The following PDE11A variants were observed in gnomAD, a reference collection of about 807,000 sequenced individuals.
PDE11A encodes the protein dual 3',5'-cyclic-AMP and -GMP phosphodiesterase 11A.
Under a neutral mutation model 100.5 loss-of-function variants are expected in PDE11A, and 100 were observed. That is an observed-to-expected ratio of 1.00 (90% CI 0.85 to 1.18). PDE11A has a LOEUF of 1.18. Among genes scored for constraint, PDE11A ranks in the 50% most tolerant of loss-of-function variants. PDE11A has a pLI of 0.00. For missense variants in PDE11A, 1,141 were observed against 1,152.6 expected, an observed-to-expected ratio of 0.99 and a Z score of 0.15; for synonymous variants, 381 against 420.8, an observed-to-expected ratio of 0.91 and a Z score of 1.16.
At chr2:177,633,191 G>A (rs1373382685) in intron 19 of PDE11A, among the ~76,000 whole-genome samples, 1 of 152,208 alleles carries the variant, frequency 6.6e-6, no homozygotes, top group Non-Finnish European at 1.5e-5. Context: ...TTCATCACAA[G>A]GGGGACAAAA....
At chr2:177,753,321 G>T (rs2082049143) in intron 10 of PDE11A, among the ~76,000 whole-genome samples, 2 of 151,990 alleles carry the variant, frequency 1.3e-5, no homozygotes, top group Admixed American at 1.3e-4. Context: ...TAGTTGCTTT[G>T]ATTCACATAT....
intron 1 of PDE11A, among the ~76,000 whole-genome samples, chr2:178,021,270 G>A (rs1298729927): frequency 6.6e-6 from 1 of 152,034 alleles, no homozygotes; most frequent in African/African-American, 2.4e-5. Context: ...CCTCCATTAA[G>A]TCTTAATGGT....
intron 9 of PDE11A, among the ~76,000 whole-genome samples, chr2:177,779,688 T>C (rs1428588266): frequency 2.0e-5 from 3 of 152,190 alleles, no homozygotes. Context: ...CACTTGTAAT[T>C]CTAGTTCTCT....
chr2:177,763,847 G>A (rs1465231907), intron 10 of PDE11A, among the ~76,000 whole-genome samples: 1 of 152,140 alleles, frequency 6.6e-6, no homozygotes, highest in East Asian at 1.9e-4. Flanking sequence ...GGCAATTGGA[G>A]AAAGGAGCGC....
intron 2 of PDE11A, among the ~76,000 whole-genome samples, chr2:177,913,826 CT>C (rs750266474): frequency 6.6e-6 from 1 of 152,126 alleles, no homozygotes; most frequent in Non-Finnish European, 1.5e-5. Flanking sequence ...AATAATGCTG[CT>C]GTCAACTTTC....
intron 12 of PDE11A, among the ~76,000 whole-genome samples, chr2:177,716,346 G>C (rs1267997166): frequency 6.6e-6 from 1 of 152,026 alleles, no homozygotes; most frequent in African/African-American, 2.4e-5. Flanking sequence ...CCTGAGTCTC[G>C]TTAGGTGCTG....
chr2:177,962,056 CAAAAAA>C (rs34148492), intron 2 of PDE11A, among the ~76,000 whole-genome samples: 9 of 66,346 alleles, frequency 1.4e-4, no homozygotes, highest in Non-Finnish European at 2.4e-4. Flanking sequence ...GACACTGTCT[CAAAAAA>C]AAAAAAAAAA....
intron 16 of PDE11A, among the ~76,000 whole-genome samples, chr2:177,680,322 G>C (rs1574037407): frequency 6.6e-6 from 1 of 152,168 alleles, no homozygotes; most frequent in Admixed American, 6.5e-5. Context: ...CCCATAAACA[G>C]AGTGGGTTGC....
chr2:178,084,112 T>G (rs2087320550), intron 2 of PDE11A, among the ~76,000 whole-genome samples: 1 of 152,228 alleles, frequency 6.6e-6, no homozygotes, highest in South Asian at 2.1e-4. Context: ...TACTCAATAG[T>G]GTATTATAGC....
chr2:177,906,218 A>G (rs1324162058), intron 2 of PDE11A, among the ~76,000 whole-genome samples: 1 of 152,030 alleles, frequency 6.6e-6, no homozygotes, highest in Non-Finnish European at 1.5e-5. Flanking sequence ...ATGGTGCCCT[A>G]GGAAGAGGTA....
intron 10 of PDE11A, among the ~76,000 whole-genome samples, chr2:177,750,924 G>A (rs1356811713): frequency 6.6e-6 from 1 of 152,084 alleles, no homozygotes; most frequent in East Asian, 1.9e-4. Flanking sequence ...TCGCCTGGGG[G>A]CTTAAAAAGT....
intron 19 of PDE11A, among the ~76,000 whole-genome samples, chr2:177,657,473 A>T (rs1244457212): frequency 2.0e-5 from 3 of 152,068 alleles, no homozygotes; most frequent in Non-Finnish European, 4.4e-5. Context: ...ACATTTCAGA[A>T]CTCTCCTTTC....
chr2:177,703,891 T>C (rs146267967), intron 13 of PDE11A, among the ~76,000 whole-genome samples: 34 of 152,342 alleles, frequency 2.2e-4, no homozygotes, highest in African/African-American at 7.0e-4. Flanking sequence ...ATGTCTCCGA[T>C]CTGGTGTGTT....
chr2:177,998,883 C>T (rs1445784998), intron 2 of PDE11A: 3 of 541,602 alleles, frequency 5.5e-6, no homozygotes, highest in Non-Finnish European at 1.0e-5. Flanking sequence ...AACTGGATGG[C>T]TCTTTAAAGT....
intron 2 of PDE11A, among the ~76,000 whole-genome samples, chr2:178,082,808 C>T (rs998710702): frequency 7.9e-5 from 12 of 152,116 alleles, no homozygotes; most frequent in African/African-American, 2.9e-4. Flanking sequence ...AGAACCACTC[C>T]ATGGTCGGTG....
At chr2:177,641,316 CTT>C (rs765160780) in intron 19 of PDE11A, among the ~76,000 whole-genome samples, 36 of 151,256 alleles carry the variant, frequency 2.4e-4, no homozygotes, top group Non-Finnish European at 4.4e-4. Flanking sequence ...TGATGGAAAA[CTT>C]GGGTTATGGT....
intron 2 of PDE11A, among the ~76,000 whole-genome samples, chr2:178,091,910 A>C (rs553816704): frequency 1.3e-5 from 2 of 152,258 alleles, no homozygotes; most frequent in African/African-American, 4.8e-5. Flanking sequence ...CTTAATGCAG[A>C]AAGATTACAT....
chr2:177,629,602 G>C (rs1264131936), intron 19 of PDE11A, 40 bp from the exon 20 acceptor site: 1 of 1,606,002 alleles, frequency 6.2e-7, no homozygotes, highest in Admixed American at 1.7e-5. Context: ...GAGGAGAGAG[G>C]AAACAGAGTA....
In PDE11A at chr2:177,749,849, A is replaced by T. The variant is rs529170669; in HGVS notation, c.1788+19474T>A. Among the ~76,000 whole-genome samples the T allele has an allele frequency of 1.3e-3, 196 of 152,300 alleles. 2 individuals carry two copies. In the Middle Eastern group the frequency reaches 0.014, roughly 11 times the overall value. ...TCATGGTTATATATTACCAACTACA[A>T]ATGGAAAAATGACATTGTTGGAAAG... On this transcript the variant is annotated intron_variant, in intron 10 of 19. Transcript: ENST00000286063.
Sources: allele counts gnomAD v4.1 joint callset (sites outside exome capture counted in the v4.1 genomes callset), GRCh38; gene constraint gnomAD v4.1.1; transcripts MANE v1.5; gene names NCBI Gene and HGNC (gene_info 2026-07-23, HGNC 2026-07-21).